Variants in NFKB2 observed in about 807,000 individuals in gnomAD.
The protein encoded by NFKB2 is nuclear factor NF-kappa-B p100 subunit.
A neutral mutation model predicts 109.3 loss-of-function variants in NFKB2; 21 were observed. That is an observed-to-expected ratio of 0.19 (90% CI 0.14 to 0.28). The LOEUF is 0.28. NFKB2 is among the 10% of genes least tolerant of loss of function. The pLI, the probability that NFKB2 is intolerant of heterozygous loss-of-function variation, is 1.00. For missense variants in NFKB2, 806 were observed against 1,185.3 expected, an observed-to-expected ratio of 0.68 and a Z score of 4.70; for synonymous variants, 478 against 489.9, an observed-to-expected ratio of 0.98 and a Z score of 0.32.
At position 102,398,092 on chromosome 10, in the gene NFKB2, CTG is replaced by C; in HGVS notation, c.766+8_766+9del. ...TGTGACAAGGTGCAGAAAGGTGAGACTGGAGCCCACTTTGGGCACCAAGGACA... is the reference window on the plus strand; with the variant it reads ...TGTGACAAGGTGCAGAAAGGTGAGACGAGCCCACTTTGGGCACCAAGGACA... On this transcript the variant is annotated splice_region_variant and intron_variant, in intron 9 of 22. Coordinates refer to ENST00000661543, the MANE Select transcript of NFKB2 (RefSeq NM_001322934.2). The surrounding 1 kb of genome is among the most constrained non-coding windows in gnomAD (Gnocchi z 6.6). The C allele has an allele frequency of 6.2e-7, 1 of 1,614,002 alleles. No homozygotes were observed.
In NFKB2 at chr10:102,395,998, C is replaced by T. The variant is rs759551824; in HGVS notation, c.21+18C>T. On this transcript the variant is annotated intron_variant, in intron 2 of 22. Transcript: ENST00000661543. ...ACAACCCAGTGAGTCATGCCGCCTG[C>T]CCCTGACCCGGCCGGCTGCCCCTCG... 3.1e-6 allele frequency: 5 copies of T among 1,612,116 alleles called. No homozygotes were observed. Among genetic ancestry groups the T allele is most frequent in the Non-Finnish European group, 4.2e-6 (5 of 1,179,948 alleles).
intron 14 of NFKB2, 100 bp downstream of exon 14, chr10:102,399,818 A>T: frequency 7.1e-7 from 1 of 1,418,108 alleles, no homozygotes; most frequent in South Asian, 1.5e-5. Context: ...CCAGGCTTCA[A>T]GTCCGGCCTC....
Position 102,401,168 on chromosome 10 carries a change from T to G in NFKB2, c.2072-12T>G, listed in dbSNP as rs576496282. 1.3e-6 allele frequency: 2 copies of G among 1,589,780 alleles called. No homozygotes were observed. Among genetic ancestry groups the G allele is most frequent in the Non-Finnish European group, 1.7e-6 (2 of 1,164,434 alleles). The stretch of plus-strand genomic sequence containing the variant: ...CCCACCATACCGCCCCATGACGGCC[T>G]CCCTCTCCCAGGTGCTGACATCCAT... On this transcript the variant is annotated splice_polypyrimidine_tract_variant and intron_variant, in intron 18 of 22. Coordinates refer to ENST00000661543, the MANE Select transcript of NFKB2 (RefSeq NM_001322934.2). The surrounding 1 kb of genome is among the most constrained non-coding windows in gnomAD (Gnocchi z 4.2).
Position 102,401,233 on chromosome 10 carries a change from C to G in NFKB2, c.2125C>G (p.Pro709Ala), listed in dbSNP as rs761599377. The G allele has an allele frequency of 1.2e-6, 2 of 1,611,136 alleles. No homozygotes were observed. The highest frequency in any genetic ancestry group is 2.2e-5 in the East Asian group (1 of 44,858). The change falls in exon 19 of 23, where the codon CCT (proline) becomes GCT (alanine). Residue 709 changes from proline (P) to alanine (A), a missense_variant. Physicochemically the swap from Pro to Ala is conservative, Grantham distance 27. This residue lies in a region of NFKB2 where 211 missense variants were observed against 268.7 expected (regional missense o/e 0.79). Transcript: ENST00000661543. This position sits in a 1 kb window ranked among gnomAD's most constrained non-coding sequence, Gnocchi z 4.2. ...GCCCCTGTGCCCACTGCCTTCACCC[C>G]CTACCTCTGATAGCGACTCGGACTC... ...EEPLCPLPSP[P>A]TSDSDSDSEG...
chr10:102,395,581 C>T (rs914683101), upstream of NFKB2: 1 of 394,928 alleles, frequency 2.5e-6, no homozygotes, highest in African/African-American at 2.0e-5. Context: ...AGCGGGAGCC[C>T]GTAGACTGTC....
In NFKB2 at chr10:102,401,881, A is replaced by C. The variant is rs1589872751; in HGVS notation, c.2430A>C (p.Thr810=). ...LRSLVDTYRQ[T]TSPSGSLLRS... is the part of the protein sequence containing the mutation. The stretch of plus-strand genomic sequence containing the variant: ...GCCTGGTAGACACGTACCGACAGAC[A>C]ACCTCACCCAGTGGCAGCCTCCTGC... The change falls in exon 21 of 23, where the codon ACA becomes ACC. Residue 810 remains threonine, a synonymous_variant. Transcript: ENST00000661543. The surrounding 1 kb of genome is among the most constrained non-coding windows in gnomAD (Gnocchi z 4.2). The C allele has an allele frequency of 1.9e-6, 3 of 1,613,542 alleles. No homozygotes were observed. The highest frequency in any genetic ancestry group is 2.5e-6 in the Non-Finnish European group (3 of 1,179,840).
chr10:102,400,591 T>G lies in NFKB2; in HGVS notation c.1799-64T>G. On this transcript the variant is annotated intron_variant, in intron 16 of 22. Transcript: ENST00000661543. This position sits in a 1 kb window ranked among gnomAD's most constrained non-coding sequence, Gnocchi z 6.3. ...ACTATGAGGTGTCGAGATTGAATGG[T>G]CAGGGCTGGTCCAGGGGCTGCCTTA... 1 of 1,603,114 alleles carries G rather than the reference T, an allele frequency of 6.2e-7. No individual in the cohort carries two copies. Among genetic ancestry groups the G allele is most frequent in the Non-Finnish European group, 8.5e-7 (1 of 1,173,102 alleles).
chr10:102,396,144 T>C lies in NFKB2; in HGVS notation c.22-109T>C. 2.7e-6 allele frequency: 4 copies of C among 1,466,258 alleles called. No homozygotes were observed. Among genetic ancestry groups the C allele is most frequent in the East Asian group, 2.3e-5 (1 of 43,860 alleles). The allele number at this position is 1,466,258 out of a possible 1,614,324, so 90.8% of individuals were successfully genotyped here. A position where few individuals can be genotyped will look rare whatever the true frequency, so the allele number is the denominator to read the frequency against. ...CTCTGCCTCCAAAAGGAGCTTTCTC[T>C]TGGGTCTGAGGAGGAGGGGGGAGTG... On this transcript the variant is annotated intron_variant, in intron 2 of 22. Coordinates refer to ENST00000661543, the MANE Select transcript of NFKB2 (RefSeq NM_001322934.2). This position sits in a 1 kb window ranked among gnomAD's most constrained non-coding sequence, Gnocchi z 5.9.
chr10:102,396,208 G>T lies in NFKB2; in HGVS notation c.22-45G>T. 1.9e-6 allele frequency: 3 copies of T among 1,576,236 alleles called. No homozygotes were observed. The highest frequency in any genetic ancestry group is 2.6e-6 in the Non-Finnish European group (3 of 1,150,852). On this transcript the variant is annotated intron_variant, in intron 2 of 22. Coordinates refer to ENST00000661543, the MANE Select transcript of NFKB2 (RefSeq NM_001322934.2). The surrounding 1 kb of genome is among the most constrained non-coding windows in gnomAD (Gnocchi z 5.9). ...TGGAGATGGGAGGTGGGGCTGTGGG[G>T]GGTGCTGAGAGTCGGATGCCACCCC...
rs1589867038 is a variant in NFKB2, at chr10:102,400,129, A to G, written c.1519A>G (p.Ile507Val). 3 of 1,614,098 alleles carry G rather than the reference A, an allele frequency of 1.9e-6. No individual in the cohort carries two copies. The South Asian group carries it at 3.3e-5, about 18-fold the overall frequency. Reference sequence around the variant, plus strand: ...CGGGCAGACCAGTGTCATTGAGCAGATAGTCTATGTCATCCACCACGCCCA... The same window carrying G: ...CGGGCAGACCAGTGTCATTGAGCAGGTAGTCTATGTCATCCACCACGCCCA... ...IHGQTSVIEQ[I>V]VYVIHHAQDL... The change falls in exon 15 of 23, where the codon ATA becomes GTA. Residue 507 changes from isoleucine to valine, a missense_variant. Physicochemically the swap from Ile to Val is conservative, Grantham distance 29. Coordinates refer to ENST00000661543, the MANE Select transcript of NFKB2 (RefSeq NM_001322934.2). This position sits in a 1 kb window ranked among gnomAD's most constrained non-coding sequence, Gnocchi z 6.3.
rs754657770 is a variant in NFKB2, at chr10:102,396,319, C to T, written c.88C>T (p.Pro30Ser). ...CTCCTCCATTGTGGAACCCAAGGAG[C>T]CAGCCCCAGAAACAGGTCAGCAAGT... Reference protein sequence around the residue: ...LNSSIVEPKEPAPETADGPYL... With the variant: ...LNSSIVEPKESAPETADGPYL... Residue 30 changes from proline (P) to serine (S), a missense_variant, in exon 3 of 23, where the codon CCA (proline) becomes TCA (serine). Physicochemically the swap from Pro to Ser is moderately conservative, Grantham distance 74. Coordinates refer to ENST00000661543, the MANE Select transcript of NFKB2 (RefSeq NM_001322934.2). This position sits in a 1 kb window ranked among gnomAD's most constrained non-coding sequence, Gnocchi z 5.9. 6.2e-7 allele frequency: 1 copy of T among 1,613,514 alleles called. No individual in the cohort carries two copies. Among genetic ancestry groups the T allele is most frequent in the South Asian group, 1.1e-5 (1 of 91,070 alleles).
chr10:102,396,165 G>T lies in NFKB2; in HGVS notation c.22-88G>T. ...TCTCTTGGGTCTGAGGAGGAGGGGGGAGTGACCACTGAAGACTTGGAGATG... is the reference window on the plus strand; with the variant it reads ...TCTCTTGGGTCTGAGGAGGAGGGGGTAGTGACCACTGAAGACTTGGAGATG... On this transcript the variant is annotated intron_variant, in intron 2 of 22. Coordinates refer to ENST00000661543, the MANE Select transcript of NFKB2 (RefSeq NM_001322934.2). This position sits in a 1 kb window ranked among gnomAD's most constrained non-coding sequence, Gnocchi z 5.9. The T allele has an allele frequency of 1.3e-6, 2 of 1,482,428 alleles. No homozygotes were observed. The highest frequency in any genetic ancestry group is 2.3e-5 in the East Asian group (1 of 43,868). The allele number at this position is 1,482,428 out of a possible 1,614,324, so 91.8% of individuals were successfully genotyped here.
rs928318261 is a variant in NFKB2 at position 102,400,909 on chromosome 10, C to T, written c.1969-38C>T. On this transcript the variant is annotated intron_variant, in intron 17 of 22. Coordinates refer to ENST00000661543, the MANE Select transcript of NFKB2 (RefSeq NM_001322934.2). This position sits in a 1 kb window ranked among gnomAD's most constrained non-coding sequence, Gnocchi z 6.3. ...GAAGGGGGGGGCTGGCCAAGGGGAC[C>T]ATGCTGTGGTGTCAACTCTCGCTGC... 8.1e-6 allele frequency: 13 copies of T among 1,596,280 alleles called. No individual in the cohort carries two copies. Among genetic ancestry groups the T allele is most frequent in the Admixed American group, 3.5e-5 (2 of 57,318 alleles).
At chr10:102,399,855 C>T (rs1589866518) in intron 14 of NFKB2, 137 bp downstream of exon 14, 5 of 1,327,442 alleles carry the variant, frequency 3.8e-6, no homozygotes, top group Admixed American at 2.8e-5. Context: ...GTTCAAGCTG[C>T]TTGGTCTCTC....
intron 14 of NFKB2, 119 bp downstream of exon 14, chr10:102,399,837 C>T: frequency 1.4e-6 from 2 of 1,386,560 alleles, no homozygotes; most frequent in Non-Finnish European, 9.5e-7. Flanking sequence ...TCGGTGTTCA[C>T]AAGCTCTGTT....
rs568360060 is a variant in NFKB2 at position 102,397,240 on chromosome 10, G to A, written c.396-62G>A. 231 of 1,572,170 alleles carry A rather than the reference G, an allele frequency of 1.5e-4. 1 individual carries two copies. In the South Asian group the frequency reaches 2.5e-3, roughly 17 times the overall value. ...TAAGGCTGAGCTGAGCCCTGGCAAT[G>A]GGAAAGGTGCCTCAGGAAGAAAGAA... On this transcript the variant is annotated intron_variant, in intron 6 of 22. Coordinates refer to ENST00000661543, the MANE Select transcript of NFKB2 (RefSeq NM_001322934.2). This position sits in a 1 kb window ranked among gnomAD's most constrained non-coding sequence, Gnocchi z 4.7.
Position 102,398,411 on chromosome 10 carries a change from CT to C in NFKB2, c.880del (p.Tyr294IlefsTer4). 1.2e-6 allele frequency: 2 copies of C among 1,614,148 alleles called. No individual in the cohort carries two copies. Among genetic ancestry groups the C allele is most frequent in the Non-Finnish European group, 1.7e-6 (2 of 1,180,014 alleles). ...ATGCCATTGTGTTCCGGACACCCCC[CT>C]ATCACAAGATGAAGATTGAGCGGCC... ...QYAIVFRTPP[Y>X]HKMKIERPVT... On this transcript the variant is annotated frameshift_variant, in exon 11 of 23. Coordinates refer to ENST00000661543, the MANE Select transcript of NFKB2 (RefSeq NM_001322934.2). LOFTEE classifies it high-confidence loss of function. The surrounding 1 kb of genome is among the most constrained non-coding windows in gnomAD (Gnocchi z 6.6).
At position 102,401,699 on chromosome 10, in the gene NFKB2, C is replaced by A; in HGVS notation, c.2294-46C>A. 6.4e-7 allele frequency: 1 copy of A among 1,562,554 alleles called. No individual in the cohort carries two copies. Among genetic ancestry groups the A allele is most frequent in the Non-Finnish European group, 8.7e-7 (1 of 1,151,882 alleles). On this transcript the variant is annotated intron_variant, in intron 20 of 22. Coordinates refer to ENST00000661543, the MANE Select transcript of NFKB2 (RefSeq NM_001322934.2). This position sits in a 1 kb window ranked among gnomAD's most constrained non-coding sequence, Gnocchi z 4.2. ...AGTGTTCAGGTGTCCATGTCCCCAC[C>A]CAACTCTGGAGGTAAATGACATGTC...
Position 102,401,139 on chromosome 10 carries a change from G to A in NFKB2, c.2072-41G>A. The A allele has an allele frequency of 1.2e-6, 2 of 1,601,794 alleles. No homozygotes were observed. The highest frequency in any genetic ancestry group is 1.7e-6 in the Non-Finnish European group (2 of 1,171,394). On this transcript the variant is annotated intron_variant, in intron 18 of 22. Coordinates refer to ENST00000661543, the MANE Select transcript of NFKB2 (RefSeq NM_001322934.2). This position sits in a 1 kb window ranked among gnomAD's most constrained non-coding sequence, Gnocchi z 4.2. ...CCCCGACTTTGCAGTCCTTAATGTA[G>A]GCCCCCACCATACCGCCCCATGACG... is the stretch of plus-strand genomic sequence containing the variant.
Sources: gnomAD v4.1 joint callset for allele counts on GRCh38, gnomAD v4.1.1 for gene constraint, gnomAD v4.1.1 regional missense constraint, Gnocchi (gnomAD v3.1) non-coding constraint, MANE v1.5 for transcripts, NCBI Gene and HGNC (gene_info 2026-07-23, HGNC 2026-07-21) for gene names.